HS3ST4: variants seen among roughly 807,000 people sequenced by gnomAD.
HS3ST4 encodes heparan sulfate-glucosamine 3-sulfotransferase 4, also known as heparan sulfate glucosamine 3-O-sulfotransferase 4.
HS3ST4 carries 17 observed loss-of-function variants against 29.2 expected under a neutral mutation model. The observed-to-expected ratio is 0.58, with a 90% CI of 0.40 to 0.87. HS3ST4 has a LOEUF of 0.87. Ranked by LOEUF, HS3ST4 falls within the 40% of genes least tolerant of loss-of-function variation. The pLI is 0.00. For missense variants in HS3ST4, 627 were observed against 634.5 expected, an observed-to-expected ratio of 0.99 and a Z score of 0.13; for synonymous variants, 314 against 285.7, an observed-to-expected ratio of 1.10 and a Z score of -1.00.
intron 1 of HS3ST4, among the ~76,000 whole-genome samples, chr16:25,863,720 T>C (rs575516526): frequency 1.6e-4 from 25 of 152,340 alleles, no homozygotes; most frequent in South Asian, 1.0e-3. Context: ...TGGATAGTTA[T>C]AGATTTCAAC....
intron 1 of HS3ST4, among the ~76,000 whole-genome samples, chr16:26,081,391 T>C (rs1567307923): frequency 6.6e-6 from 1 of 152,130 alleles, no homozygotes; most frequent in Non-Finnish European, 1.5e-5. Context: ...TTTCTAAATA[T>C]AGTAATTCAC....
intron 1 of HS3ST4, among the ~76,000 whole-genome samples, chr16:25,763,386 A>G (rs1966800474): frequency 6.6e-6 from 1 of 152,146 alleles, no homozygotes; most frequent in Admixed American, 6.6e-5. Context: ...CTTCTACCAG[A>G]TTATGAGAAT....
At chr16:25,770,032 C>T in intron 1 of HS3ST4, among the ~76,000 whole-genome samples, 1 of 152,136 alleles carries the variant, frequency 6.6e-6, no homozygotes, top group Non-Finnish European at 1.5e-5. Flanking sequence ...AAAATGCAGA[C>T]TAGGATGTAT....
intron 1 of HS3ST4, among the ~76,000 whole-genome samples, chr16:25,873,392 A>G (rs879710859): frequency 0.023 from 3,248 of 139,748 alleles, 52 homozygotes; most frequent in South Asian, 0.037. Context: ...CCATCCATCC[A>G]TCCATCCATC....
intron 1 of HS3ST4, among the ~76,000 whole-genome samples, chr16:25,935,781 T>C (rs1396893063): frequency 6.6e-6 from 1 of 152,200 alleles, no homozygotes; most frequent in Non-Finnish European, 1.5e-5. Context: ...ATAATGTTTA[T>C]ATGTTTATAG....
intron 1 of HS3ST4, among the ~76,000 whole-genome samples, chr16:25,707,708 T>C (rs1274683303): frequency 6.6e-6 from 1 of 152,208 alleles, no homozygotes. Flanking sequence ...TGCCTTATTT[T>C]CTTTGTTCCT....
chr16:25,828,078 A>G (rs1363150130), intron 1 of HS3ST4, among the ~76,000 whole-genome samples: 1 of 151,916 alleles, frequency 6.6e-6, no homozygotes, highest in Non-Finnish European at 1.5e-5. Context: ...TGGTGTACAA[A>G]TTATTTTTTC....
intron 1 of HS3ST4, among the ~76,000 whole-genome samples, chr16:25,856,933 A>G (rs1258777980): frequency 2.0e-5 from 3 of 152,168 alleles, no homozygotes; most frequent in East Asian, 3.9e-4. Flanking sequence ...TCCTGAATTC[A>G]TAGTTGGGTG....
intron 1 of HS3ST4, among the ~76,000 whole-genome samples, chr16:26,094,073 A>G (rs1898893488): frequency 6.6e-6 from 1 of 152,214 alleles, no homozygotes; most frequent in South Asian, 2.1e-4. Flanking sequence ...AGAAAAGAGT[A>G]AAAAGAAATG....
In HS3ST4 at chr16:26,049,242, C is replaced by T. The variant is rs537480944; in HGVS notation, c.735-86370C>T. On this transcript the variant is annotated intron_variant, in intron 1 of 1. Coordinates refer to ENST00000331351, the MANE Select transcript of HS3ST4 (RefSeq NM_006040.3). Reference sequence around the variant, plus strand: ...TAAGTAATGACACATATTAGGAAGGCGGAATGAAAAGCTAGAAGGCTGGGA... The same window carrying T: ...TAAGTAATGACACATATTAGGAAGGTGGAATGAAAAGCTAGAAGGCTGGGA... Among the ~76,000 whole-genome samples the T allele has an allele frequency of 3.8e-4, 58 of 151,556 alleles. 1 individual carries two copies. The South Asian group carries it at 8.8e-3, about 23-fold the overall frequency.
intron 1 of HS3ST4, among the ~76,000 whole-genome samples, chr16:25,762,895 AAAAAG>A (rs1417964783): frequency 2.0e-5 from 3 of 147,520 alleles, no homozygotes; most frequent in Non-Finnish European, 4.4e-5. Flanking sequence ...AAAAAAAAAA[AAAAAG>A]AAAAAAGAAA....
In HS3ST4 at chr16:26,135,903, C is replaced by T; in HGVS notation, c.1026C>T (p.Asn342=). The change falls in exon 2 of 2, where the codon AAC becomes AAT. Residue 342 remains asparagine, a synonymous_variant. Coordinates refer to ENST00000331351, the MANE Select transcript of HS3ST4 (RefSeq NM_006040.3). The part of the protein sequence containing the change: ...RIGIYALHLE[N]WLQYFPLSQI... ...GGATCTATGCGCTGCATCTGGAAAA[C>T]TGGCTCCAGTATTTCCCCCTCTCCC... 2 of 1,613,998 alleles carry T rather than the reference C, an allele frequency of 1.2e-6. No individual in the cohort carries two copies. The highest frequency in any genetic ancestry group is 1.7e-6 in the Non-Finnish European group (2 of 1,179,886).
intron 1 of HS3ST4, among the ~76,000 whole-genome samples, chr16:25,781,005 A>T (rs1275833223): frequency 6.6e-6 from 1 of 152,190 alleles, no homozygotes; most frequent in Non-Finnish European, 1.5e-5. Context: ...ACAGTTGCAC[A>T]TTAATAATTA....
At chr16:25,970,605 A>T (rs143200405) in intron 1 of HS3ST4, among the ~76,000 whole-genome samples, 1 of 151,612 alleles carries the variant, frequency 6.6e-6, no homozygotes, top group Non-Finnish European at 1.5e-5. Flanking sequence ...AACCCCCTGG[A>T]CTCAGGCAAT....
At chr16:25,826,952 G>A (rs189158217) in intron 1 of HS3ST4, among the ~76,000 whole-genome samples, 58 of 152,174 alleles carry the variant, frequency 3.8e-4, no homozygotes, top group African/African-American at 1.3e-3. Context: ...TCCTCGGTGT[G>A]CCTTTGTTTG....
chr16:26,106,001 A>T (rs1357319996), intron 1 of HS3ST4, among the ~76,000 whole-genome samples: 1 of 152,192 alleles, frequency 6.6e-6, no homozygotes, highest in Non-Finnish European at 1.5e-5. Flanking sequence ...GGAAGAACAG[A>T]AAAATAAGGA....
rs895800548 is a variant in HS3ST4 at position 25,923,381 on chromosome 16, C to G, written c.735-212231C>G. Reference sequence around the variant, plus strand: ...TTCTGTGTCTCTATGTCCAAGCTGGCAAGCTCAGGGCTTGGCTTGTCAAGT... The same window carrying G: ...TTCTGTGTCTCTATGTCCAAGCTGGGAAGCTCAGGGCTTGGCTTGTCAAGT... On this transcript the variant is annotated intron_variant, in intron 1 of 1. Coordinates refer to ENST00000331351, the MANE Select transcript of HS3ST4 (RefSeq NM_006040.3). 2.0e-5 allele frequency among the ~76,000 whole-genome samples: 3 copies of G among 152,308 alleles called. No homozygotes were observed. The East Asian group carries it at 5.8e-4, about 29-fold the overall frequency.
intron 1 of HS3ST4, among the ~76,000 whole-genome samples, chr16:26,082,810 C>A (rs749936535): frequency 5.9e-5 from 9 of 152,188 alleles, no homozygotes; most frequent in Non-Finnish European, 1.3e-4. Flanking sequence ...ATGGAGCAAC[C>A]TTACCTCCAT....
chr16:26,015,304 G>A (rs116608904), intron 1 of HS3ST4, among the ~76,000 whole-genome samples: 1,795 of 152,284 alleles, frequency 0.012, 35 homozygotes, highest in African/African-American at 0.041. Context: ...ATAGTGAAAC[G>A]ATACGTATTA....
Sources: gnomAD v4.1 joint callset for allele counts (sites outside exome capture counted in the v4.1 genomes callset) on GRCh38, gnomAD v4.1.1 for gene constraint, MANE v1.5 for transcripts, NCBI Gene and HGNC (gene_info 2026-07-23, HGNC 2026-07-21) for gene names.